The following CERT1 variants were observed in gnomAD, a reference collection of about 807,000 sequenced individuals.
CERT1 encodes the protein ceramide transfer protein.
A neutral mutation model predicts 87.9 loss-of-function variants in CERT1; 31 were observed. The ratio of observed to expected loss-of-function variants is 0.35; its 90% CI spans 0.27 to 0.48. CERT1 has a LOEUF of 0.48. Ranked by LOEUF, CERT1 falls within the 20% of genes least tolerant of loss-of-function variation. CERT1 has a pLI of 0.99. For missense variants in CERT1, 487 were observed against 758.0 expected (o/e 0.64, Z 4.20); for synonymous variants, 289 against 250.9 (o/e 1.15, Z -1.44).
At chr5:75,425,240 G>T in intron 5 of CERT1, 121 bp downstream of exon 5, 1 of 859,520 alleles carries the variant, frequency 1.2e-6, no homozygotes, top group East Asian at 2.6e-5. Flanking sequence ...GTTTCACTGG[G>T]GGTTTGCAGC....
intron 2 of CERT1, among the ~76,000 whole-genome samples, chr5:75,500,824 C>T (rs1767328629): frequency 6.6e-6 from 1 of 152,164 alleles, no homozygotes; most frequent in Non-Finnish European, 1.5e-5. Flanking sequence ...ACCCAATTTG[C>T]TGAAGTTCAT....
At chr5:75,399,907 G>A (rs549279115) in intron 10 of CERT1, among the ~76,000 whole-genome samples, 21 of 152,318 alleles carry the variant, frequency 1.4e-4, no homozygotes, top group Admixed American at 3.3e-4. Context: ...GGGAGGCTGA[G>A]GTGGGTGGAT....
At chr5:75,491,658 A>C (rs1766803782) in intron 2 of CERT1, among the ~76,000 whole-genome samples, 1 of 152,170 alleles carries the variant, frequency 6.6e-6, no homozygotes, top group Non-Finnish European at 1.5e-5. Context: ...AGCATGTAGG[A>C]CCACTGCACT....
chr5:75,467,013 A>G (rs995520223), intron 2 of CERT1, among the ~76,000 whole-genome samples: 1 of 152,238 alleles, frequency 6.6e-6, no homozygotes, highest in Non-Finnish European at 1.5e-5. Flanking sequence ...AAAAACATAC[A>G]GAAAAATATT....
intron 2 of CERT1, among the ~76,000 whole-genome samples, chr5:75,496,079 TA>T (rs1285584457): frequency 1.3e-5 from 2 of 152,120 alleles, no homozygotes; most frequent in Non-Finnish European, 2.9e-5. Context: ...GCCAAACATG[TA>T]CCTGACAAAC....
intron 2 of CERT1, among the ~76,000 whole-genome samples, chr5:75,500,397 G>A (rs1767293099): frequency 6.6e-6 from 1 of 152,044 alleles, no homozygotes; most frequent in Non-Finnish European, 1.5e-5. Flanking sequence ...TTCAACAGGT[G>A]CCCTTTTTCA....
chr5:75,423,585 T>A (rs1225994207), intron 5 of CERT1, among the ~76,000 whole-genome samples: 4 of 152,126 alleles, frequency 2.6e-5, no homozygotes, highest in African/African-American at 9.6e-5. Context: ...TACAAAAAAT[T>A]TAAAAATTAA....
intron 3 of CERT1, among the ~76,000 whole-genome samples, chr5:75,430,715 C>T (rs1167350325): frequency 1.3e-5 from 2 of 151,792 alleles, no homozygotes; most frequent in South Asian, 2.1e-4. Context: ...AAATGGAATT[C>T]TAATTACAGC....
chr5:75,428,692 A>T (rs964665226), intron 3 of CERT1, among the ~76,000 whole-genome samples: 2 of 150,524 alleles, frequency 1.3e-5, no homozygotes, highest in South Asian at 2.1e-4. Flanking sequence ...AAAAAAAAAA[A>T]ATATTTACAA....
chr5:75,451,948 G>C (rs1219046124), intron 3 of CERT1, among the ~76,000 whole-genome samples: 5 of 152,174 alleles, frequency 3.3e-5, no homozygotes, highest in Admixed American at 6.5e-5. Flanking sequence ...GCTTCACTTA[G>C]ATGGCTCAAC....
intron 3 of CERT1, among the ~76,000 whole-genome samples, chr5:75,441,948 C>A (rs1764340423): frequency 6.6e-6 from 1 of 152,110 alleles, no homozygotes; most frequent in Admixed American, 6.6e-5. Flanking sequence ...ATGTTAATTC[C>A]ATTTTTCATT....
In CERT1 at chr5:75,379,038, G is replaced by A. The variant is rs1315467336; in HGVS notation, c.*308C>T. 1.4e-4 allele frequency: 31 copies of A among 216,080 alleles called. No individual in the cohort carries two copies. The East Asian group carries it at 3.3e-3, about 23-fold the overall frequency. The allele number at this position is 216,080 out of a possible 1,614,324, so 13.4% of individuals were successfully genotyped here. On this transcript the variant is annotated 3_prime_UTR_variant, in exon 17 of 17. Coordinates refer to ENST00000643780, the MANE Select transcript of CERT1 (RefSeq NM_001379029.1). ...CTACAAAAAATAAAAAATTAGCTGA[G>A]CATGGTGGCACATGCCTGTGGGGAC...
At chr5:75,380,777 CAAA>C (rs35083616) in intron 16 of CERT1, among the ~76,000 whole-genome samples, 4 of 53,380 alleles carry the variant, frequency 7.5e-5, no homozygotes, top group Non-Finnish European at 1.4e-4. Flanking sequence ...GACTCCATCT[CAAA>C]AAAAAAAAAA....
intron 1 of CERT1, among the ~76,000 whole-genome samples, chr5:75,510,844 G>A (rs112305362): frequency 3.8e-4 from 58 of 152,242 alleles, no homozygotes; most frequent in African/African-American, 8.9e-4. Context: ...GCCGCCCTAA[G>A]TCCCAAGTCA....
chr5:75,434,622 G>A (rs1764012832), intron 3 of CERT1, among the ~76,000 whole-genome samples: 1 of 151,170 alleles, frequency 6.6e-6, no homozygotes, highest in Admixed American at 6.6e-5. Context: ...GTGGTCCACG[G>A]CTTTTTCTGA....
chr5:75,460,662 CG>C (rs1246022120), intron 2 of CERT1, among the ~76,000 whole-genome samples: 2 of 152,208 alleles, frequency 1.3e-5, no homozygotes, highest in Non-Finnish European at 2.9e-5. Flanking sequence ...CTGGGCAACA[CG>C]ACAGTGAACT....
chr5:75,436,553 G>A lies in CERT1; in HGVS notation c.349-10075C>T, dbSNP rs79521439. Among the ~76,000 whole-genome samples, 316 of 151,940 alleles carry A rather than the reference G, an allele frequency of 2.1e-3. 1 individual carries two copies. The East Asian group carries it at 0.027, about 13-fold the overall frequency. The stretch of plus-strand genomic sequence containing the variant: ...TCTTTCTTTTGCTAGATTTAAATAT[G>A]GGAGACTGCAATTAAAAATAAGAAT... On this transcript the variant is annotated intron_variant, in intron 3 of 16. Transcript: ENST00000643780.
intron 1 of CERT1, among the ~76,000 whole-genome samples, chr5:75,506,499 A>G (rs1026736773): frequency 1.3e-5 from 2 of 152,170 alleles, no homozygotes; most frequent in African/African-American, 4.8e-5. Flanking sequence ...TATTCAACAG[A>G]GAAGTATGTT....
downstream of CERT1, chr5:75,375,663 T>C (rs943630835): frequency 1.8e-4 from 26 of 146,726 alleles, no homozygotes; most frequent in African/African-American, 6.4e-4. Flanking sequence ...ATATATAATA[T>C]ATATATAAAG....
Sources: gnomAD v4.1 joint callset for allele counts (sites outside exome capture counted in the v4.1 genomes callset) on GRCh38, gnomAD v4.1.1 for gene constraint, MANE v1.5 for transcripts, NCBI Gene and HGNC (gene_info 2026-07-23, HGNC 2026-07-21) for gene names.